Variants in TRIOBP observed in about 807,000 individuals in gnomAD.
The protein encoded by TRIOBP is TRIO and F-actin binding protein, also known as TRIO and F-actin-binding protein.
Under a neutral mutation model 238.8 loss-of-function variants are expected in TRIOBP, and 169 were observed. The observed-to-expected ratio is 0.71, with a 90% CI of 0.62 to 0.80. The LOEUF is 0.80. Among genes scored for constraint, TRIOBP ranks in the 30% least tolerant of loss-of-function variants. The pLI is 0.00. For missense variants in TRIOBP, 2,838 were observed against 3,122.6 expected, an observed-to-expected ratio of 0.91 and a Z score of 2.17; for synonymous variants, 1,150 against 1,274.4, an observed-to-expected ratio of 0.90 and a Z score of 2.08.
chr22:37,706,907 A>G (rs907590432), intron 3 of TRIOBP, among the ~76,000 whole-genome samples: 1 of 152,126 alleles, frequency 6.6e-6, no homozygotes, highest in Non-Finnish European at 1.5e-5. Flanking sequence ...TGTGTCTCCG[A>G]GCCAGGCCCT....
chr22:37,718,209 G>T (rs1329270603), intron 6 of TRIOBP, among the ~76,000 whole-genome samples: 2 of 152,210 alleles, frequency 1.3e-5, no homozygotes, highest in Non-Finnish European at 2.9e-5. Flanking sequence ...CTCGGTTCCC[G>T]CTCGCGCCTC....
In TRIOBP at chr22:37,725,711, C is replaced by A; in HGVS notation, c.3155C>A (p.Pro1052His). Residue 1052 changes from proline (P) to histidine (H), a missense_variant, in exon 7 of 24, where the codon CCC becomes CAC. Coordinates refer to ENST00000644935, the MANE Select transcript of TRIOBP (RefSeq NM_001039141.3). ...PEPRAPESEP[P>H]HHEPPYIPPA... The stretch of plus-strand genomic sequence containing the variant: ...CCCCGCGCCCCTGAGAGTGAACCGC[C>A]CCACCACGAGCCTCCCTATATACCA... 1 of 1,613,614 alleles carries A rather than the reference C, an allele frequency of 6.2e-7. No individual in the cohort carries two copies. Among genetic ancestry groups the A allele is most frequent in the Non-Finnish European group, 8.5e-7 (1 of 1,179,912 alleles).
At chr22:37,745,344 CA>C (rs1925167227) in intron 11 of TRIOBP, among the ~76,000 whole-genome samples, 1 of 152,082 alleles carries the variant, frequency 6.6e-6, no homozygotes, top group African/African-American at 2.4e-5. Flanking sequence ...AGCATTACCC[CA>C]TTTTACAGAG....
At position 37,735,043 on chromosome 22, in the gene TRIOBP, AGGAGAGGG is replaced by A; in HGVS notation, c.4710_4717del (p.Glu1571LeufsTer31). On this transcript the variant is annotated frameshift_variant, in exon 9 of 24. Coordinates refer to ENST00000644935, the MANE Select transcript of TRIOBP (RefSeq NM_001039141.3). LOFTEE classifies it high-confidence loss of function. The stretch of plus-strand genomic sequence containing the variant: ...ATCTGCTTGGCCTTCTCCGGGCACC[AGGAGAGGG>A]GGTCTGGGCCCGTGTCCCCAGCCTG... 6.2e-7 allele frequency: 1 copy of A among 1,608,342 alleles called. No homozygotes were observed. Among genetic ancestry groups the A allele is most frequent in the Non-Finnish European group, 8.5e-7 (1 of 1,176,142 alleles).
chr22:37,705,781 G>C (rs1474166374), intron 3 of TRIOBP, among the ~76,000 whole-genome samples: 1 of 152,030 alleles, frequency 6.6e-6, no homozygotes, highest in Non-Finnish European at 1.5e-5. Context: ...TCACCATGCC[G>C]CTCAGGCTGG....
chr22:37,772,104 C>G (rs930095986), intron 22 of TRIOBP, among the ~76,000 whole-genome samples: 2 of 152,204 alleles, frequency 1.3e-5, no homozygotes, highest in East Asian at 1.9e-4. Context: ...AACCACGTTG[C>G]TAGGAGTTGG....
At chr22:37,710,606 TG>T in intron 4 of TRIOBP, 40 bp downstream of exon 4, 1 of 1,591,532 alleles carries the variant, frequency 6.3e-7, no homozygotes. Context: ...CTTCATGGGG[TG>T]GAATGCCCTC....
chr22:37,699,607 T>C (rs1922540047), intron 2 of TRIOBP, among the ~76,000 whole-genome samples: 1 of 151,970 alleles, frequency 6.6e-6, no homozygotes, highest in African/African-American at 2.4e-5. Flanking sequence ...AGTGGTGCAA[T>C]CTTGGCTCAC....
At chr22:37,702,832 G>A (rs1035995853) in intron 3 of TRIOBP, among the ~76,000 whole-genome samples, 3 of 151,182 alleles carry the variant, frequency 2.0e-5, no homozygotes, top group African/African-American at 7.3e-5. Context: ...TTGTAAAGAT[G>A]GGATCTCACT....
At chr22:37,705,340 A>G (rs1037682706) in intron 3 of TRIOBP, among the ~76,000 whole-genome samples, 5 of 151,436 alleles carry the variant, frequency 3.3e-5, no homozygotes, top group African/African-American at 1.2e-4. Flanking sequence ...GCACCACTGT[A>G]CTCCAGCCTG....
chr22:37,744,735 G>C (rs1925131614), intron 11 of TRIOBP, among the ~76,000 whole-genome samples: 1 of 152,226 alleles, frequency 6.6e-6, no homozygotes, highest in African/African-American at 2.4e-5. Context: ...CCAGTTTCTA[G>C]AGTTAGATGG....
At chr22:37,718,101 C>T (rs912332608) in intron 6 of TRIOBP, among the ~76,000 whole-genome samples, 1 of 152,208 alleles carries the variant, frequency 6.6e-6, no homozygotes, top group African/African-American at 2.4e-5. Flanking sequence ...CCCCTCATTG[C>T]CCGGGGCCGG....
At chr22:37,758,326 G>T (rs570779654) in intron 16 of TRIOBP, among the ~76,000 whole-genome samples, 188 bp downstream of exon 16, 175 of 152,276 alleles carry the variant, frequency 1.1e-3, no homozygotes, top group Non-Finnish European at 1.4e-3. Context: ...AGTTTGGTTT[G>T]GTTTTGTTTT....
intron 6 of TRIOBP, among the ~76,000 whole-genome samples, chr22:37,722,713 C>G (rs1278309039): frequency 6.6e-6 from 1 of 152,132 alleles, no homozygotes; most frequent in Non-Finnish European, 1.5e-5. Flanking sequence ...GGCGACAGAG[C>G]GAGACTCTGA....
At chr22:37,735,560 G>C (rs1924630217) in intron 9 of TRIOBP, 118 bp downstream of exon 9, 19 of 1,226,222 alleles carry the variant, frequency 1.5e-5, no homozygotes, top group Non-Finnish European at 2.2e-5. Flanking sequence ...TCCAGGCTCA[G>C]ACCTCAGCCT....
intron 17 of TRIOBP, chr22:37,759,777 C>T: frequency 7.2e-7 from 1 of 1,383,714 alleles, no homozygotes; most frequent in Non-Finnish European, 9.4e-7. Context: ...TCCATTTTGT[C>T]CCCCTTGGGG....
At chr22:37,702,707 C>T (rs988177951) in intron 3 of TRIOBP, among the ~76,000 whole-genome samples, 3 of 142,994 alleles carry the variant, frequency 2.1e-5, no homozygotes, top group African/African-American at 8.1e-5. Context: ...AGTGGTCCAA[C>T]CTATAGTACA....
chr22:37,743,073 G>C (rs561533833), intron 11 of TRIOBP, among the ~76,000 whole-genome samples: 3 of 152,286 alleles, frequency 2.0e-5, no homozygotes, highest in Admixed American at 2.0e-4. Flanking sequence ...CCCTCCTGCA[G>C]CTCTGGGAGT....
At chr22:37,759,394 C>G (rs1393083156) in intron 17 of TRIOBP, 130 bp downstream of exon 17, 2 of 1,262,874 alleles carry the variant, frequency 1.6e-6, no homozygotes, top group Admixed American at 1.7e-5. Flanking sequence ...TGACATGCGT[C>G]ATCTCATTTA....
Sources: allele counts gnomAD v4.1 joint callset (sites outside exome capture counted in the v4.1 genomes callset), GRCh38; gene constraint gnomAD v4.1.1; transcripts MANE v1.5; gene names NCBI Gene and HGNC (gene_info 2026-07-23, HGNC 2026-07-21).